Variants in VGLL4 observed in about 807,000 individuals in gnomAD.
VGLL4 encodes the protein transcription cofactor vestigial-like protein 4.
Under a neutral mutation model 21.0 loss-of-function variants are expected in VGLL4, and 7 were observed. The ratio of observed to expected loss-of-function variants is 0.33; its 90% CI spans 0.19 to 0.63. The LOEUF (loss-of-function observed/expected upper bound fraction) is 0.63, where lower values mean the gene tolerates loss of function less well. Ranked by LOEUF, VGLL4 falls within the 20% of genes least tolerant of loss-of-function variation. VGLL4 has a pLI of 0.78. For synonymous variants in VGLL4, 222 were observed against 173.2 expected (o/e 1.28, Z -2.21); for missense variants, 394 against 425.7 (o/e 0.93, Z 0.66).
At chr3:11,594,695 G>A (rs144045826) in intron 2 of VGLL4, among the ~76,000 whole-genome samples, 202 of 152,320 alleles carry the variant, frequency 1.3e-3, no homozygotes, top group African/African-American at 4.5e-3. Flanking sequence ...TAAAATGCAC[G>A]AGGTCATCCA....
intron 2 of VGLL4, among the ~76,000 whole-genome samples, chr3:11,591,188 A>G (rs2074487440): frequency 1.3e-5 from 2 of 152,220 alleles, no homozygotes; most frequent in African/African-American, 4.8e-5. Context: ...TACATTTTGA[A>G]TACACTTGCA....
rs1196157091 is a variant in VGLL4 at position 11,568,382 on chromosome 3, C to A, written c.273-3363G>T. ...TGCCAGGGCAGAGGTAAGGACGGGG[C>A]AGCCCTGCACCTAAATCTGCCATCT... On this transcript the variant is annotated intron_variant, in intron 2 of 4. Transcript: ENST00000430365. The surrounding 1 kb of genome is among the most constrained non-coding windows in gnomAD (Gnocchi z 5.9). Among the ~76,000 whole-genome samples, 1 of 152,178 alleles carries A rather than the reference C, an allele frequency of 6.6e-6. No homozygotes were observed. Among genetic ancestry groups the A allele is most frequent in the Non-Finnish European group, 1.5e-5 (1 of 68,018 alleles).
chr3:11,663,138 A>C (rs1031229314), intron 2 of VGLL4, among the ~76,000 whole-genome samples: 1 of 152,208 alleles, frequency 6.6e-6, no homozygotes, highest in Non-Finnish European at 1.5e-5. Flanking sequence ...AGAGTTTTTC[A>C]AAGTAGAAAG....
At chr3:11,582,278 G>A in intron 2 of VGLL4, 2 of 1,606,048 alleles carry the variant, frequency 1.2e-6, no homozygotes, top group South Asian at 1.1e-5. Context: ...AGGGTTCTTG[G>A]TACTAACCTC....
intron 2 of VGLL4, among the ~76,000 whole-genome samples, chr3:11,685,954 T>C (rs2076441266): frequency 6.6e-6 from 1 of 152,202 alleles, no homozygotes; most frequent in African/African-American, 2.4e-5. Flanking sequence ...TCAACATCAC[T>C]AATCATTAGG....
intron 3 of VGLL4, among the ~76,000 whole-genome samples, chr3:11,560,336 A>T (rs1378519189): frequency 6.6e-6 from 1 of 152,224 alleles, no homozygotes; most frequent in African/African-American, 2.4e-5. Flanking sequence ...CCCCCAGGAA[A>T]AGTATCTTCC....
At chr3:11,701,324 G>A (rs911415981) in intron 2 of VGLL4, among the ~76,000 whole-genome samples, 1 of 150,328 alleles carries the variant, frequency 6.7e-6, no homozygotes, top group African/African-American at 2.4e-5. Context: ...CTTCTGCCAG[G>A]AGTAAAAGCT....
intron 2 of VGLL4, among the ~76,000 whole-genome samples, chr3:11,596,707 G>C (rs1442511617): frequency 6.6e-6 from 1 of 152,158 alleles, no homozygotes; most frequent in East Asian, 1.9e-4. Flanking sequence ...GCCACATGTG[G>C]CTACTAAGCT....
chr3:11,594,165 G>A (rs1474930724), intron 2 of VGLL4, among the ~76,000 whole-genome samples: 4 of 152,180 alleles, frequency 2.6e-5, no homozygotes, highest in Admixed American at 2.6e-4. Flanking sequence ...TACATGATGT[G>A]CACCTCTAAA....
At chr3:11,558,858 ACACAGGTGGCTGCAGACAGACAGG>A in intron 4 of VGLL4, 31 bp from the exon 5 acceptor site, 1 of 1,605,092 alleles carries the variant, frequency 6.2e-7, no homozygotes, top group South Asian at 1.1e-5. Context: ...AGGCAGTCAG[ACACAGGTGGCTGCAGACAGACAGG>A]CACGGTTGCA....
chr3:11,677,584 A>G (rs2076309858), intron 2 of VGLL4, among the ~76,000 whole-genome samples: 1 of 152,060 alleles, frequency 6.6e-6, no homozygotes, highest in Admixed American at 6.6e-5. Context: ...CCAGATTGCA[A>G]ATTTTTAGAA....
chr3:11,559,219 A>G (rs935790745), intron 4 of VGLL4, 113 bp downstream of exon 4: 9 of 1,426,648 alleles, frequency 6.3e-6, no homozygotes, highest in East Asian at 2.5e-5. Context: ...TACTTTTTCA[A>G]CCTCAGCAAT....
At chr3:11,574,573 T>C (rs915727315) in intron 2 of VGLL4, among the ~76,000 whole-genome samples, 83 of 152,176 alleles carry the variant, frequency 5.5e-4, no homozygotes, top group African/African-American at 1.6e-3. Context: ...TCCAGCACTA[T>C]GGTCACCTAG....
rs2072623509 is a variant in VGLL4 at position 11,558,298 on chromosome 3, CTG to C, written c.*256_*257del. 1 of 582,122 alleles carries C rather than the reference CTG, an allele frequency of 1.7e-6. No individual in the cohort carries two copies. The allele number at this position is 582,122 out of a possible 1,614,324, so 36.1% of individuals were successfully genotyped here. A position where few individuals can be genotyped will look rare whatever the true frequency, so the allele number is the denominator to read the frequency against. Reference sequence around the variant, plus strand: ...CCTGCATCAGAGGTTTCTTTGGTAACTGAGGCAGGAAGTAAGGATGCTACATT... The same window carrying C: ...CCTGCATCAGAGGTTTCTTTGGTAACAGGCAGGAAGTAAGGATGCTACATT... On this transcript the variant is annotated 3_prime_UTR_variant, in exon 5 of 5. Coordinates refer to ENST00000430365, the MANE Select transcript of VGLL4 (RefSeq NM_001128219.3).
chr3:11,578,023 T>C (rs768100194), intron 2 of VGLL4, among the ~76,000 whole-genome samples: 3 of 152,260 alleles, frequency 2.0e-5, no homozygotes, highest in South Asian at 2.1e-4. Flanking sequence ...CCTAAGGAAA[T>C]AGGGCACACA....
chr3:11,689,260 C>A (rs370841543), intron 2 of VGLL4, among the ~76,000 whole-genome samples: 163 of 152,266 alleles, frequency 1.1e-3, no homozygotes, highest in Middle Eastern at 0.01. Flanking sequence ...CCTCAGCCCA[C>A]CAGAACATGC....
At chr3:11,681,191 G>A (rs1363629895) in intron 2 of VGLL4, among the ~76,000 whole-genome samples, 1 of 152,158 alleles carries the variant, frequency 6.6e-6, no homozygotes, top group African/African-American at 2.4e-5. Context: ...TCCGCCTCCT[G>A]GGTTCACACC....
chr3:11,633,978 GA>G (rs1316078596), intron 1 of VGLL4, among the ~76,000 whole-genome samples: 4 of 152,082 alleles, frequency 2.6e-5, no homozygotes, highest in African/African-American at 9.7e-5. Context: ...CAATTAACAG[GA>G]AAATTAATGG....
chr3:11,647,988 A>AT (rs1553738303), upstream of VGLL4, among the ~76,000 whole-genome samples: 4 of 66,726 alleles, frequency 6.0e-5, no homozygotes, highest in African/African-American at 2.4e-4. Flanking sequence ...CAGCTCATCC[A>AT]TAAAAAAAAA....
Sources: allele counts gnomAD v4.1 joint callset (sites outside exome capture counted in the v4.1 genomes callset), GRCh38; gene constraint gnomAD v4.1.1; non-coding constraint Gnocchi (gnomAD v3.1); transcripts MANE v1.5; gene names NCBI Gene and HGNC (gene_info 2026-07-23, HGNC 2026-07-21).